ROCK2: variants seen among roughly 807,000 people sequenced by gnomAD.
ROCK2 encodes rho-associated protein kinase 2.
A neutral mutation model predicts 195.1 loss-of-function variants in ROCK2; 61 were observed. That is an observed-to-expected ratio of 0.31 (90% CI 0.25 to 0.39). The LOEUF (loss-of-function observed/expected upper bound fraction) is 0.39, where lower values mean the gene tolerates loss of function less well. Among genes scored for constraint, ROCK2 ranks in the 10% least tolerant of loss-of-function variants. ROCK2 has a pLI of 1.00. For missense variants in ROCK2, 1,109 were observed against 1,637.4 expected (o/e 0.68, Z 5.57); for synonymous variants, 504 against 545.5 (o/e 0.92, Z 1.06).
chr2:11,207,806 T>C lies in ROCK2; in HGVS notation c.2469A>G (p.Ser823=). ...TATTTTCTTGCTTTAACTGCTTTTC[T>C]GACATTTTTAGTGTGTTAACCTGTT... ...QTQQVNTLKM[S]EKQLKQENNH... is the part of the protein sequence containing the mutation. The change falls in exon 20 of 33, where the codon TCA becomes TCG. Residue 823 remains serine, a synonymous_variant. Transcript: ENST00000315872. 1 of 1,613,038 alleles carries C rather than the reference T, an allele frequency of 6.2e-7. No homozygotes were observed. Among genetic ancestry groups the C allele is most frequent in the Non-Finnish European group, 8.5e-7 (1 of 1,179,264 alleles).
intron 1 of ROCK2, among the ~76,000 whole-genome samples, chr2:11,317,589 TATATATATATATATA>T (rs1293174437): frequency 3.8e-4 from 5 of 13,300 alleles, no homozygotes; most frequent in Admixed American, 7.4e-4. Flanking sequence ...TATATATATA[TATATATATATATATA>T]TATATATATT....
At chr2:11,250,286 T>C (rs1355727589) in intron 3 of ROCK2, among the ~76,000 whole-genome samples, 1 of 152,216 alleles carries the variant, frequency 6.6e-6, no homozygotes, top group Non-Finnish European at 1.5e-5. Flanking sequence ...TCTCTTTAGG[T>C]GCCCTAATTA....
At position 11,230,768 on chromosome 2, in the gene ROCK2, C is replaced by G. The variant is rs563100450; in HGVS notation, c.724-3370G>C. On this transcript the variant is annotated intron_variant, in intron 5 of 32. Coordinates refer to ENST00000315872, the MANE Select transcript of ROCK2 (RefSeq NM_004850.5). ...ATCATGGTCAAAAAATATCATAAAT[C>G]GAGATAACTTACTGAAAACACAAAA... 2.0e-5 allele frequency among the ~76,000 whole-genome samples: 3 copies of G among 151,928 alleles called. No individual in the cohort carries two copies. In the East Asian group the frequency reaches 5.8e-4, roughly 29 times the overall value.
In ROCK2 at chr2:11,229,895, G is replaced by A. The variant is rs1478079123; in HGVS notation, c.724-2497C>T. ...TAAGTAAATATATTGCAGATAATAA[G>A]AGCCAAGAGTTTTACTGTTCACGAA... On this transcript the variant is annotated intron_variant, in intron 5 of 32. Transcript: ENST00000315872. Among the ~76,000 whole-genome samples, 4 of 152,192 alleles carry A rather than the reference G, an allele frequency of 2.6e-5. No individual in the cohort carries two copies. In the East Asian group the frequency reaches 7.7e-4, roughly 29 times the overall value.
At chr2:11,222,459 A>G (rs1664668716) in intron 7 of ROCK2, among the ~76,000 whole-genome samples, 1 of 152,184 alleles carries the variant, frequency 6.6e-6, no homozygotes, top group Non-Finnish European at 1.5e-5. Flanking sequence ...TCAAGTAAAA[A>G]AATTCACCTG....
intron 16 of ROCK2, 76 bp from the exon 17 acceptor site, chr2:11,214,539 A>G (rs567310737): frequency 1.2e-6 from 1 of 852,132 alleles, no homozygotes; most frequent in African/African-American, 1.7e-5. Context: ...AAAGTTTGCA[A>G]GCCACCTTCT....
At chr2:11,333,581 T>A (rs763160903) in intron 1 of ROCK2, among the ~76,000 whole-genome samples, 1 of 152,098 alleles carries the variant, frequency 6.6e-6, no homozygotes, top group Non-Finnish European at 1.5e-5. Context: ...AATCAACACA[T>A]GAGAAACCAG....
chr2:11,186,472 A>C (rs1331040269), intron 32 of ROCK2, among the ~76,000 whole-genome samples: 3 of 152,308 alleles, frequency 2.0e-5, no homozygotes, highest in Admixed American at 6.5e-5. Context: ...CATCCCTTCG[A>C]ATCAGTCATC....
chr2:11,281,742 C>T (rs925310610), intron 3 of ROCK2, among the ~76,000 whole-genome samples: 1 of 152,062 alleles, frequency 6.6e-6, no homozygotes, highest in African/African-American at 2.4e-5. Context: ...ATTAAAAACA[C>T]AGTACCATTT....
At chr2:11,268,487 C>G (rs201936961) in intron 3 of ROCK2, among the ~76,000 whole-genome samples, 134 of 43,688 alleles carry the variant, frequency 3.1e-3, no homozygotes, top group African/African-American at 6.2e-3. Flanking sequence ...TGTTTTTTTC[C>G]TTGTGTGTGT....
At position 11,201,419 on chromosome 2, in the gene ROCK2, T is replaced by A. The variant is rs145334990; in HGVS notation, c.2620-6A>T. The A allele has an allele frequency of 6.9e-7, 1 of 1,453,668 alleles. No individual in the cohort carries two copies. 90.0% of individuals were successfully genotyped at this position (1,453,668 alleles called of 1,614,324 possible). On this transcript the variant is annotated splice_region_variant and splice_polypyrimidine_tract_variant and intron_variant, in intron 21 of 32. Transcript: ENST00000315872. The surrounding 1 kb of genome is among the most constrained non-coding windows in gnomAD (Gnocchi z 4.6). ...ACTTGTGTTTTATAAAGGGTCTAAA[T>A]AGCAAAATACAACAGAAATGCGTAT...
rs761931112 is a variant in ROCK2 at position 11,202,116 on chromosome 2, C to T, written c.2555G>A (p.Arg852His). 7 of 1,612,700 alleles carry T rather than the reference C, an allele frequency of 4.3e-6. No individual in the cohort carries two copies. Among genetic ancestry groups the T allele is most frequent in the Admixed American group, 3.3e-5 (2 of 60,006 alleles). The change falls in exon 21 of 33, where the codon CGT becomes CAT. Residue 852 changes from arginine (R) to histidine (H), a missense_variant. Physicochemically the swap from Arg to His is conservative, Grantham distance 29 (BLOSUM62 0). Coordinates refer to ENST00000315872, the MANE Select transcript of ROCK2 (RefSeq NM_004850.5). Reference sequence around the variant, plus strand: ...TTTCATTTGCCCATCTGCATCCTGACGTTCTCTGTGAGGACAATGAATCAA... The same window carrying T: ...TTTCATTTGCCCATCTGCATCCTGATGTTCTCTGTGAGGACAATGAATCAA... The part of the protein sequence containing the change: ...EKQNAELRKE[R>H]QDADGQMKEL...
chr2:11,329,441 T>C (rs1277480775), intron 1 of ROCK2, among the ~76,000 whole-genome samples: 1 of 147,360 alleles, frequency 6.8e-6, no homozygotes, highest in Non-Finnish European at 1.5e-5. Flanking sequence ...TTCCCTATAC[T>C]AAAAGCTTGT....
chr2:11,295,996 A>AGGG (rs1181259771), intron 1 of ROCK2, among the ~76,000 whole-genome samples: 3 of 35,512 alleles, frequency 8.4e-5, no homozygotes, highest in African/African-American at 1.7e-4. Context: ...GAGAGGAGAG[A>AGGG]GAGAGAGAGG....
intron 1 of ROCK2, among the ~76,000 whole-genome samples, chr2:11,299,882 T>C (rs1485030517): frequency 6.7e-6 from 1 of 149,080 alleles, no homozygotes. Flanking sequence ...CTCAGGAAAC[T>C]TTTTTAAGTA....
At chr2:11,256,165 TATA>T (rs1666027199) in intron 3 of ROCK2, among the ~76,000 whole-genome samples, 1 of 151,186 alleles carries the variant, frequency 6.6e-6, no homozygotes, top group African/African-American at 2.5e-5. Context: ...CATACTTATA[TATA>T]ATAATTATAT....
intron 3 of ROCK2, among the ~76,000 whole-genome samples, chr2:11,272,346 T>C (rs1666667731): frequency 6.6e-6 from 1 of 152,214 alleles, no homozygotes; most frequent in African/African-American, 2.4e-5. Context: ...AAGTCCAGTA[T>C]TACTGTAATA....
chr2:11,317,612 A>ATATATTTTTT (rs59701503), intron 1 of ROCK2, among the ~76,000 whole-genome samples: 3 of 19,310 alleles, frequency 1.6e-4, no homozygotes, highest in Admixed American at 8.8e-4. Context: ...ATATATATAT[A>ATATATTTTTT]TTTTTTTTTT....
At chr2:11,286,713 T>C in intron 2 of ROCK2, 74 bp from the exon 3 acceptor site, 2 of 922,234 alleles carry the variant, frequency 2.2e-6, no homozygotes, top group South Asian at 1.9e-5. Flanking sequence ...TTTATAAATA[T>C]ATTTTTGTTT....
Sources: allele counts gnomAD v4.1 joint callset (sites outside exome capture counted in the v4.1 genomes callset), GRCh38; gene constraint gnomAD v4.1.1; non-coding constraint Gnocchi (gnomAD v3.1); transcripts MANE v1.5; gene names NCBI Gene and HGNC (gene_info 2026-07-23, HGNC 2026-07-21).